The following SLC15A2 variants were observed in gnomAD, a reference collection of about 807,000 sequenced individuals.
SLC15A2 encodes solute carrier family 15 member 2, also known as kidney H(+)/peptide cotransporter.
SLC15A2 carries 77 observed loss-of-function variants against 95.5 expected under a neutral mutation model. The ratio of observed to expected loss-of-function variants is 0.81; its 90% confidence interval spans 0.67 to 0.97. The LOEUF (loss-of-function observed/expected upper bound fraction) is 0.97, where lower values mean the gene tolerates loss of function less well. Ranked by LOEUF, SLC15A2 falls within the 50% of genes least tolerant of loss-of-function variation. SLC15A2 has a pLI of 0.00. For missense variants in SLC15A2, 893 were observed against 874.4 expected (o/e 1.02, Z -0.27); for synonymous variants, 306 against 306.9 (o/e 1.00, Z 0.03).
chr3:121,940,791 G>A (rs916927708), intron 21 of SLC15A2, 40 bp from the exon 22 acceptor site: 1 of 1,576,900 alleles, frequency 6.3e-7, no homozygotes, highest in African/African-American at 1.4e-5. Flanking sequence ...TTTAGTTTCA[G>A]GTTTCTCCAT....
At chr3:121,940,629 C>T in intron 21 of SLC15A2, 141 bp downstream of exon 21, 2 of 847,440 alleles carry the variant, frequency 2.4e-6, no homozygotes, top group Non-Finnish European at 3.7e-6. Context: ...ACAGACTTTA[C>T]CAGGAAAATA....
intron 3 of SLC15A2, among the ~76,000 whole-genome samples, chr3:121,898,965 A>C (rs1274944244): frequency 6.6e-6 from 1 of 152,216 alleles, no homozygotes; most frequent in African/African-American, 2.4e-5. Flanking sequence ...AGTAGCTGAG[A>C]TCTACATTTG....
chr3:121,928,850 G>C, intron 15 of SLC15A2, 132 bp from the exon 16 acceptor site: 2 of 956,250 alleles, frequency 2.1e-6, no homozygotes, highest in East Asian at 2.5e-5. Context: ...AAATAAAATG[G>C]CTAGGTTAAA....
In SLC15A2 at chr3:121,934,975, C is replaced by G. The variant is rs1219536488; in HGVS notation, c.1761+3240C>G. Among the ~76,000 whole-genome samples, 203 of 97,080 alleles carry G rather than the reference C, an allele frequency of 2.1e-3. 1 individual carries two copies. The highest frequency in any genetic ancestry group is 4.9e-3 in the African/African-American group (182 of 37,304). 63.7% of individuals were successfully genotyped at this position (97,080 alleles called of 152,430 possible). A position where few individuals can be genotyped will look rare whatever the true frequency, so the allele number is the denominator to read the frequency against. Reference sequence around the variant, plus strand: ...TTTATTGAGAGTTTTTAGCATGAAGCGTTGTTGAATTTTGTCAAAGGCCTT... The same window carrying G: ...TTTATTGAGAGTTTTTAGCATGAAGGGTTGTTGAATTTTGTCAAAGGCCTT... On this transcript the variant is annotated intron_variant, in intron 19 of 21. Coordinates refer to ENST00000489711, the MANE Select transcript of SLC15A2 (RefSeq NM_021082.4).
At chr3:121,936,670 G>T (rs539886822) in intron 19 of SLC15A2, among the ~76,000 whole-genome samples, 15 of 151,434 alleles carry the variant, frequency 9.9e-5, no homozygotes, top group Admixed American at 4.6e-4. Flanking sequence ...CTGCACGTGA[G>T]ATGGGTTTCC....
At chr3:121,938,010 T>A (rs1302938471) in intron 19 of SLC15A2, among the ~76,000 whole-genome samples, 1 of 151,620 alleles carries the variant, frequency 6.6e-6, no homozygotes, top group African/African-American at 2.4e-5. Context: ...GCAGGTCTGT[T>A]GGAGTACCTG....
At chr3:121,912,994 G>T (rs1523519) in intron 4 of SLC15A2, 27 bp from the exon 5 acceptor site, 2 of 1,537,852 alleles carry the variant, frequency 1.3e-6, no homozygotes, top group Non-Finnish European at 1.8e-6. Context: ...TATCAACATG[G>T]TTGGCATTCT....
chr3:121,911,680 T>C lies in SLC15A2; in HGVS notation c.428+14T>C, dbSNP rs1379698539. On this transcript the variant is annotated intron_variant, in intron 4 of 21. Transcript: ENST00000489711. ...AGTGGTACACACGTGAGTAAAATCA[T>C]GGAATCAACTAAACTACTTTTCTCA... The C allele has an allele frequency of 6.7e-7, 1 of 1,487,534 alleles. No individual in the cohort carries two copies. The highest frequency in any genetic ancestry group is 9.4e-7 in the Non-Finnish European group (1 of 1,065,008). The allele number at this position is 1,487,534 out of a possible 1,614,324, so 92.1% of individuals were successfully genotyped here.
chr3:121,933,223 T>C (rs4250029), intron 19 of SLC15A2, among the ~76,000 whole-genome samples: 110,012 of 146,806 alleles, frequency 0.75, 41,501 homozygotes, highest in East Asian at 0.87. Flanking sequence ...AATAAACATA[T>C]GTGTGCATGT....
chr3:121,930,985 G>C lies in SLC15A2; in HGVS notation c.1664+35G>C, dbSNP rs201161066. The C allele has an allele frequency of 2.7e-5, 37 of 1,385,332 alleles. No individual in the cohort carries two copies. In the African/African-American group the frequency reaches 5.1e-4, roughly 19 times the overall value. 85.8% of individuals were successfully genotyped at this position (1,385,332 alleles called of 1,614,324 possible). On this transcript the variant is annotated intron_variant, in intron 18 of 21. Coordinates refer to ENST00000489711, the MANE Select transcript of SLC15A2 (RefSeq NM_021082.4). Reference sequence around the variant, plus strand: ...TTGCCCCTGTGGACATTTTACTTTTGTCAATAATTGTTTTTTAAGTGCTAT... The same window carrying C: ...TTGCCCCTGTGGACATTTTACTTTTCTCAATAATTGTTTTTTAAGTGCTAT...
intron 16 of SLC15A2, 48 bp downstream of exon 16, chr3:121,929,194 A>G: frequency 3.1e-6 from 5 of 1,604,524 alleles, no homozygotes; most frequent in Non-Finnish European, 4.3e-6. Flanking sequence ...TCAAAGTAAT[A>G]TGACTGTCTC....
At position 121,929,189 on chromosome 3, in the gene SLC15A2, G is replaced by A. The variant is rs146648880; in HGVS notation, c.1506+43G>A. 5.0e-6 allele frequency: 8 copies of A among 1,604,630 alleles called. No homozygotes were observed. The African/African-American group carries it at 6.7e-5, about 13-fold the overall frequency. ...CTGTGTTTTCAGTTGTCATCTCAAAGTAATATGACTGTCTCATCAACATCT... is the reference window on the plus strand; with the variant it reads ...CTGTGTTTTCAGTTGTCATCTCAAAATAATATGACTGTCTCATCAACATCT... On this transcript the variant is annotated intron_variant, in intron 16 of 21. Transcript: ENST00000489711.
intron 17 of SLC15A2, among the ~76,000 whole-genome samples, chr3:121,929,782 CA>C (rs1710196826): frequency 6.6e-6 from 1 of 152,022 alleles, no homozygotes; most frequent in Non-Finnish European, 1.5e-5. Flanking sequence ...CATTTGGAGT[CA>C]AAAGACTTAG....
intron 3 of SLC15A2, among the ~76,000 whole-genome samples, chr3:121,902,799 G>A (rs1039727371): frequency 6.6e-6 from 1 of 152,194 alleles, no homozygotes; most frequent in Non-Finnish European, 1.5e-5. Flanking sequence ...TTGCTATTGT[G>A]AATAGTGCTG....
intron 20 of SLC15A2, 86 bp from the exon 21 acceptor site, chr3:121,940,298 G>A: frequency 1.1e-6 from 1 of 920,688 alleles, no homozygotes; most frequent in Non-Finnish European, 1.8e-6. Context: ...TAACTTGGAA[G>A]CTTTTGTGGG....
In SLC15A2 at chr3:121,897,368, C is replaced by G; in HGVS notation, c.194-20C>G. ...TATCTTGTTTTGTCTCCCCACGCCT[C>G]CTTTTTTTTCCCACTACAGCTGTGC... On this transcript the variant is annotated intron_variant, in intron 2 of 21. Coordinates refer to ENST00000489711, the MANE Select transcript of SLC15A2 (RefSeq NM_021082.4). 6.2e-7 allele frequency: 1 copy of G among 1,611,788 alleles called. No individual in the cohort carries two copies. Among genetic ancestry groups the G allele is most frequent in the Non-Finnish European group, 8.5e-7 (1 of 1,179,294 alleles).
At chr3:121,905,285 C>CT (rs1709612238) in intron 3 of SLC15A2, among the ~76,000 whole-genome samples, 1 of 151,994 alleles carries the variant, frequency 6.6e-6, no homozygotes, top group Non-Finnish European at 1.5e-5. Flanking sequence ...TTTTGTTGAT[C>CT]TTTCAAAAAA....
chr3:121,936,598 T>C (rs1435826055), intron 19 of SLC15A2, among the ~76,000 whole-genome samples: 2 of 152,204 alleles, frequency 1.3e-5, no homozygotes, highest in Admixed American at 1.3e-4. Context: ...CCCTGCATTT[T>C]TTTTTTTCCA....
In SLC15A2 at chr3:121,929,364, A is replaced by G; in HGVS notation, c.1553+16A>G. The G allele has an allele frequency of 6.2e-7, 1 of 1,613,026 alleles. No homozygotes were observed. Among genetic ancestry groups the G allele is most frequent in the South Asian group, 1.1e-5 (1 of 91,054 alleles). On this transcript the variant is annotated intron_variant, in intron 17 of 21. Transcript: ENST00000489711. Reference sequence around the variant, plus strand: ...CAACCGTGAGGTTTGAATGTCAATGAGATTCCAGGCCACTCTGTTTTCTTG... The same window carrying G: ...CAACCGTGAGGTTTGAATGTCAATGGGATTCCAGGCCACTCTGTTTTCTTG...
Sources: allele counts gnomAD v4.1 joint callset (sites outside exome capture counted in the v4.1 genomes callset), GRCh38; gene constraint gnomAD v4.1.1; transcripts MANE v1.5; gene names NCBI Gene and HGNC (gene_info 2026-07-23, HGNC 2026-07-21).